Variants in LETMD1 observed in about 807,000 individuals in gnomAD.
LETMD1 encodes LETM1 domain containing 1, also known as LETM1 domain-containing protein 1.
Under a neutral mutation model 43.9 loss-of-function variants are expected in LETMD1, and 30 were observed. The observed-to-expected ratio is 0.68, with a 90% CI of 0.51 to 0.93. The LOEUF (loss-of-function observed/expected upper bound fraction) is 0.93, where lower values mean the gene tolerates loss of function less well. Ranked by LOEUF, LETMD1 falls within the 40% of genes least tolerant of loss-of-function variation. LETMD1 has a pLI of 0.00. For missense variants in LETMD1, 413 were observed against 447.7 expected, an observed-to-expected ratio of 0.92 and a Z score of 0.70; for synonymous variants, 176 against 163.1, an observed-to-expected ratio of 1.08 and a Z score of -0.60.
the LETMD1 span, chr12:51,068,016 C>T: frequency 3.8e-5 from 59 of 1,562,304 alleles, no homozygotes; most frequent in African/African-American, 5.8e-4. Flanking sequence ...GAGCGGCATG[C>T]ACCTCCTCAG....
chr12:51,058,060 C>G lies in LETMD1; in HGVS notation c.944C>G (p.Thr315Arg). ...TGTTATCTCCGTGGCCTGAATTCTA[C>G]GCATATTGGTGAAGATAGGTGTCGA... is the stretch of plus-strand genomic sequence containing the variant. Reference protein sequence around the residue: ...SACYLRGLNSTHIGEDRCRTW... With the variant: ...SACYLRGLNSRHIGEDRCRTW... The change falls in exon 8 of 9, where the codon ACG becomes AGG. Residue 315 changes from threonine (T) to arginine (R), a missense_variant. Thr to Arg is a moderately conservative substitution (Grantham distance 71, BLOSUM62 -1). Coordinates refer to ENST00000262055, the MANE Select transcript of LETMD1 (RefSeq NM_015416.5). 1 of 1,613,336 alleles carries G rather than the reference C, an allele frequency of 6.2e-7. No individual in the cohort carries two copies.
At position 51,056,329 on chromosome 12, in the gene LETMD1, TC is replaced by T. The variant is rs1947717800; in HGVS notation, c.763-19del. 1 of 1,613,900 alleles carries T rather than the reference TC, an allele frequency of 6.2e-7. No homozygotes were observed. Among genetic ancestry groups the T allele is most frequent in the East Asian group, 2.2e-5 (1 of 44,894 alleles). On this transcript the variant is annotated intron_variant, in intron 6 of 8. Coordinates refer to ENST00000262055, the MANE Select transcript of LETMD1 (RefSeq NM_015416.5). ...GAGCTCATACTATTTGCCTTTCCCCTCCTATGTGGTTGTGTTACAGAAAGCC... is the reference window on the plus strand; with the variant it reads ...GAGCTCATACTATTTGCCTTTCCCCTCTATGTGGTTGTGTTACAGAAAGCC...
chr12:51,067,604 C>G, the LETMD1 span: 1 of 1,487,248 alleles, frequency 6.7e-7, no homozygotes. This position sits in a 1 kb window ranked among gnomAD's most constrained non-coding sequence, Gnocchi z 4.1. Context: ...CTCCCATGTT[C>G]AGTGGCACCC....
Position 51,059,542 on chromosome 12 carries a change from G to T in LETMD1, c.*111G>T. On this transcript the variant is annotated 3_prime_UTR_variant, in exon 9 of 9. Coordinates refer to ENST00000262055, the MANE Select transcript of LETMD1 (RefSeq NM_015416.5). ...TGTACTGTTAAGTGTGTGGGAGGCA[G>T]AGAGAGGAGCAGGGGCCATGGGCTT... 4 of 947,818 alleles carry T rather than the reference G, an allele frequency of 4.2e-6. No homozygotes were observed. Among genetic ancestry groups the T allele is most frequent in the South Asian group, 4.0e-5 (3 of 74,266 alleles). 58.7% of individuals were successfully genotyped at this position (947,818 alleles called of 1,614,324 possible).
chr12:51,068,884 G>A, the LETMD1 span, among the ~76,000 whole-genome samples: 1 of 152,180 alleles, frequency 6.6e-6, no homozygotes, highest in Non-Finnish European at 1.5e-5. Flanking sequence ...ATGCACTAAA[G>A]AGCTTCATTC....
At chr12:51,052,007 A>C in intron 2 of LETMD1, 85 bp from the exon 3 acceptor site, 2 of 1,237,534 alleles carry the variant, frequency 1.6e-6, no homozygotes, top group Non-Finnish European at 2.3e-6. Flanking sequence ...GAGTGTTTGC[A>C]TGTGATTGAA....
chr12:51,060,631 G>A (rs537179897), downstream of LETMD1, among the ~76,000 whole-genome samples: 7 of 152,266 alleles, frequency 4.6e-5, no homozygotes, highest in South Asian at 6.2e-4. Context: ...GGCCGGGCGC[G>A]GCGGCTCACG....
rs12379 is a variant in LETMD1 at position 51,049,161 on chromosome 12, G to A, written c.250G>A (p.Val84Ile). 656,995 of 1,611,870 alleles carry A rather than the reference G, an allele frequency of 0.41. 143,471 individuals are homozygous for A. The highest frequency in any genetic ancestry group is 0.89 in the East Asian group (40,031 of 44,864). Reference protein sequence around the residue: ...FLGRHFPRFYVLYTIFMKGLQ... With the variant: ...FLGRHFPRFYILYTIFMKGLQ... ...GGGTCGTCATTTCCCCCGCTTCTAT[G>A]TCCTGTACACAATCTTCATGAAAGG... The change falls in exon 2 of 9, where the codon GTC (valine) becomes ATC (isoleucine). Residue 84 changes from valine (V) to isoleucine (I), a missense_variant. Val to Ile is a conservative substitution (Grantham distance 29). Transcript: ENST00000262055.
At chr12:51,065,720 A>G in the LETMD1 span, among the ~76,000 whole-genome samples, 1 of 152,106 alleles carries the variant, frequency 6.6e-6, no homozygotes, top group Non-Finnish European at 1.5e-5. Context: ...CCAGCCTCCC[A>G]AAGTGCTAGT....
At chr12:51,062,081 G>A (rs531515556), downstream of LETMD1, 2 of 152,156 alleles carry the variant, frequency 1.3e-5, no homozygotes, top group African/African-American at 4.8e-5. Context: ...AATAGGAAAG[G>A]CAGAATGAAC....
chr12:51,050,425 A>G (rs1354639114), intron 2 of LETMD1, among the ~76,000 whole-genome samples: 2 of 150,992 alleles, frequency 1.3e-5, no homozygotes, highest in Non-Finnish European at 3.0e-5. Context: ...GTTTCACCAT[A>G]TTGGCCAGGC....
chr12:51,048,274 G>C (rs913558482), upstream of LETMD1: 4 of 1,576,504 alleles, frequency 2.5e-6, no homozygotes, highest in African/African-American at 4.0e-5. Flanking sequence ...CAGAAAAGAC[G>C]CATGCGTCTT....
intron 1 of LETMD1, chr12:51,048,795 A>T (rs186698503): frequency 3.4e-6 from 2 of 590,254 alleles, no homozygotes; most frequent in Admixed American, 3.0e-5. Flanking sequence ...AAATTGTCCC[A>T]CAGGCATTGC....
the LETMD1 span, chr12:51,067,853 C>T: frequency 9.3e-6 from 15 of 1,614,096 alleles, no homozygotes; most frequent in Non-Finnish European, 1.3e-5. This position sits in a 1 kb window ranked among gnomAD's most constrained non-coding sequence, Gnocchi z 4.1. Flanking sequence ...TGGGCAGAGG[C>T]TGCAGGAAGA....
chr12:51,061,354 T>C (rs911519497), downstream of LETMD1: 1 of 152,630 alleles, frequency 6.6e-6, no homozygotes, highest in African/African-American at 2.4e-5. Context: ...GTGTACAGTA[T>C]GTGAGAAAGG....
At chr12:51,064,741 T>C, downstream of LETMD1, 1 of 1,339,846 alleles carries the variant, frequency 7.5e-7, no homozygotes, top group Non-Finnish European at 1.0e-6. Flanking sequence ...AGACATGAGC[T>C]GGCAAACAGG....
Position 51,053,850 on chromosome 12 carries a change from T to G in LETMD1, c.463T>G (p.Phe155Val). ...TCCACCTTTTGCCAACTACCTGGTC[T>G]TCTTGCTAATGTGAGTACAGACTTC... Reference protein sequence around the residue: ...SIPPFANYLVFLLMYLFPRQL... With the variant: ...SIPPFANYLVVLLMYLFPRQL... The change falls in exon 4 of 9, where the codon TTC becomes GTC. Residue 155 changes from phenylalanine to valine, a missense_variant. Phe to Val is a conservative substitution (Grantham distance 50, BLOSUM62 -1). Coordinates refer to ENST00000262055, the MANE Select transcript of LETMD1 (RefSeq NM_015416.5). The G allele has an allele frequency of 6.2e-7, 1 of 1,607,090 alleles. No individual in the cohort carries two copies. Among genetic ancestry groups the G allele is most frequent in the Non-Finnish European group, 8.5e-7 (1 of 1,174,098 alleles).
the LETMD1 span, chr12:51,068,108 T>G: frequency 1.4e-6 from 1 of 716,444 alleles, no homozygotes; most frequent in Non-Finnish European, 2.3e-6. Flanking sequence ...TGGCAGCTAC[T>G]AGCACATGTG....
chr12:51,054,338 A>C (rs1947012638), intron 4 of LETMD1, among the ~76,000 whole-genome samples: 1 of 152,196 alleles, frequency 6.6e-6, no homozygotes, highest in African/African-American at 2.4e-5. Context: ...AATCATTTTC[A>C]TGATTTTGTA....
Sources: gnomAD v4.1 joint callset for allele counts (sites outside exome capture counted in the v4.1 genomes callset) on GRCh38, gnomAD v4.1.1 for gene constraint, Gnocchi (gnomAD v3.1) non-coding constraint, MANE v1.5 for transcripts, NCBI Gene and HGNC (gene_info 2026-07-23, HGNC 2026-07-21) for gene names.